The following ARHGAP23 variants were observed in gnomAD, a reference collection of about 807,000 sequenced individuals.
ARHGAP23 encodes Rho GTPase activating protein 23.
ARHGAP23 carries 34 observed loss-of-function variants against 136.3 expected under a neutral mutation model. The ratio of observed to expected loss-of-function variants is 0.25; its 90% CI spans 0.19 to 0.33. ARHGAP23 has a LOEUF of 0.33. ARHGAP23 is among the 10% of genes least tolerant of loss of function. ARHGAP23 has a pLI of 1.00. For synonymous variants in ARHGAP23, 832 were observed against 920.5 expected, an observed-to-expected ratio of 0.90 and a Z score of 1.74; for missense variants, 1,808 against 2,139.0, an observed-to-expected ratio of 0.85 and a Z score of 3.05.
At chr17:38,435,385 C>G (rs1465938601) in intron 1 of ARHGAP23, among the ~76,000 whole-genome samples, 1 of 152,102 alleles carries the variant, frequency 6.6e-6, no homozygotes, top group East Asian at 1.9e-4. Flanking sequence ...TGCGGTGATT[C>G]CATGAAAAGA....
chr17:38,431,505 C>T (rs1284276699), intron 1 of ARHGAP23, among the ~76,000 whole-genome samples: 3 of 152,246 alleles, frequency 2.0e-5, no homozygotes, highest in Middle Eastern at 3.4e-3. Flanking sequence ...ACCCTCCACC[C>T]GCTTCAAACA....
chr17:38,473,898 T>G (rs1452039991), intron 11 of ARHGAP23, among the ~76,000 whole-genome samples: 1 of 152,132 alleles, frequency 6.6e-6, no homozygotes, highest in African/African-American at 2.4e-5. Context: ...AGGAAGAGCC[T>G]GTCCAGGGTT....
At chr17:38,456,243 C>T (rs950709587) in intron 1 of ARHGAP23, among the ~76,000 whole-genome samples, 1 of 152,220 alleles carries the variant, frequency 6.6e-6, no homozygotes, top group Non-Finnish European at 1.5e-5. Context: ...ACCTGCTCGA[C>T]AGCAGCCAGG....
In ARHGAP23 at chr17:38,471,964, A is replaced by C; in HGVS notation, c.2076A>C (p.Glu692Asp). Reference sequence around the variant, plus strand: ...CGACCTTCAGCGATATCAGGAGAGAAGGCTGGTTGTATTATAAGCAGATTC... The same window carrying C: ...CGACCTTCAGCGATATCAGGAGAGACGGCTGGTTGTATTATAAGCAGATTC... Reference protein sequence around the residue: ...SDATFSDIRREGWLYYKQILT... With the variant: ...SDATFSDIRRDGWLYYKQILT... Residue 692 changes from glutamate (E) to aspartate (D), a missense_variant, in exon 11 of 24, where the codon GAA (glutamate) becomes GAC (aspartate). Around this residue, in one of 7 missense-constraint regions of ARHGAP23, gnomAD observed 139 missense variants for 264.3 expected, o/e 0.53. Transcript: ENST00000622683. 1 of 1,549,778 alleles carries C rather than the reference A, an allele frequency of 6.5e-7. No homozygotes were observed. The highest frequency in any genetic ancestry group is 8.7e-7 in the Non-Finnish European group (1 of 1,146,854).
chr17:38,490,203 C>T (rs375791831), intron 18 of ARHGAP23, 28 bp downstream of exon 18: 29 of 1,545,618 alleles, frequency 1.9e-5, no homozygotes, highest in Admixed American at 3.9e-5. Context: ...CTGTCAGACA[C>T]GAGGTGGGGC....
chr17:38,432,698 C>T (rs951625600), intron 1 of ARHGAP23, among the ~76,000 whole-genome samples: 1 of 151,768 alleles, frequency 6.6e-6, no homozygotes, highest in Admixed American at 6.6e-5. Context: ...AAAAAATTAG[C>T]TGGGCATGTA....
At chr17:38,481,426 C>T (rs1274810714) in intron 14 of ARHGAP23, among the ~76,000 whole-genome samples, 1 of 152,038 alleles carries the variant, frequency 6.6e-6, no homozygotes, top group South Asian at 2.1e-4. Flanking sequence ...GGATTACAGG[C>T]GTAAGCCACC....
intron 23 of ARHGAP23, among the ~76,000 whole-genome samples, chr17:38,507,341 T>G (rs1209131997): frequency 6.6e-5 from 10 of 150,614 alleles, no homozygotes; most frequent in Non-Finnish European, 1.5e-5. Context: ...CTGTAAGCTC[T>G]GCATGGAGCC....
At chr17:38,497,555 C>T (rs1163557359) in intron 20 of ARHGAP23, among the ~76,000 whole-genome samples, 1 of 152,234 alleles carries the variant, frequency 6.6e-6, no homozygotes, top group East Asian at 1.9e-4. Context: ...GTGTCTCCTC[C>T]CACACTGGGG....
chr17:38,480,821 A>G (rs972860806), intron 14 of ARHGAP23, among the ~76,000 whole-genome samples: 52 of 150,676 alleles, frequency 3.5e-4, no homozygotes, highest in South Asian at 2.3e-3. Context: ...AAAAAAAAAA[A>G]AAAGAAAGAA....
intron 1 of ARHGAP23, among the ~76,000 whole-genome samples, chr17:38,448,622 C>T (rs892564575): frequency 4.0e-5 from 6 of 150,416 alleles, no homozygotes; most frequent in Admixed American, 4.0e-4. Flanking sequence ...GCTGTGCTGC[C>T]ACTGAAAGAA....
At chr17:38,476,989 A>G (rs1337533111) in intron 11 of ARHGAP23, among the ~76,000 whole-genome samples, 1 of 152,048 alleles carries the variant, frequency 6.6e-6, no homozygotes. Flanking sequence ...GTGCCGAGAT[A>G]GGGTCTGGAG....
chr17:38,463,220 C>G, intron 5 of ARHGAP23, 24 bp downstream of exon 5: 1 of 1,550,898 alleles, frequency 6.4e-7, no homozygotes, highest in Non-Finnish European at 8.7e-7. Flanking sequence ...ACCCCTCGTC[C>G]CATATTATCT....
intron 7 of ARHGAP23, 101 bp from the exon 8 acceptor site, chr17:38,469,043 G>C: frequency 6.2e-6 from 8 of 1,288,792 alleles, no homozygotes; most frequent in Non-Finnish European, 8.5e-6. Flanking sequence ...GGATGTGTCT[G>C]AGCCTGGAGG....
intron 17 of ARHGAP23, among the ~76,000 whole-genome samples, chr17:38,489,141 A>G (rs1567819202): frequency 1.3e-5 from 2 of 152,192 alleles, no homozygotes; most frequent in African/African-American, 4.8e-5. Flanking sequence ...CAGCCTTCCA[A>G]AGTGCTGGGA....
intron 1 of ARHGAP23, among the ~76,000 whole-genome samples, chr17:38,447,848 C>G (rs2039070024): frequency 6.6e-6 from 1 of 152,272 alleles, no homozygotes; most frequent in African/African-American, 2.4e-5. Flanking sequence ...CTGCTGTTGC[C>G]TGGGCAATGG....
intron 8 of ARHGAP23, 24 bp downstream of exon 8, chr17:38,469,323 C>A (rs1401680771): frequency 6.5e-7 from 1 of 1,539,344 alleles, no homozygotes; most frequent in Non-Finnish European, 8.8e-7. Flanking sequence ...ACACCCCCAG[C>A]CCCACCCTCT....
Position 38,466,594 on chromosome 17 carries a change from G to A in ARHGAP23, c.911G>A (p.Arg304Gln), listed in dbSNP as rs989878526. ...NQVPRRAGERRCPAMAPRARS... is the reference protein window; with the variant it reads ...NQVPRRAGERQCPAMAPRARS... ...GTACCCCGCCGGGCGGGGGAGAGAC[G>A]GTGCCCAGCCATGGCCCCCCGGGCC... The change falls in exon 7 of 24, where the codon CGG (arginine) becomes CAG (glutamine). Residue 304 changes from arginine (R) to glutamine (Q), a missense_variant. Transcript: ENST00000622683. 1.6e-5 allele frequency: 24 copies of A among 1,511,234 alleles called. No individual in the cohort carries two copies. Among genetic ancestry groups the A allele is most frequent in the South Asian group, 5.0e-5 (4 of 79,602 alleles). 93.6% of individuals were successfully genotyped at this position (1,511,234 alleles called of 1,614,324 possible). A position where few individuals can be genotyped will look rare whatever the true frequency, so the allele number is the denominator to read the frequency against.
chr17:38,435,375 T>C (rs2038772418), intron 1 of ARHGAP23, among the ~76,000 whole-genome samples: 3 of 152,148 alleles, frequency 2.0e-5, no homozygotes. Context: ...AGCTCTGACC[T>C]GCGGTGATTC....
Sources: allele counts gnomAD v4.1 joint callset (sites outside exome capture counted in the v4.1 genomes callset), GRCh38; gene constraint gnomAD v4.1.1; regional missense constraint gnomAD v4.1.1; transcripts MANE v1.5; gene names NCBI Gene and HGNC (gene_info 2026-07-23, HGNC 2026-07-21).